The following SV2C variants were observed in gnomAD, a reference collection of about 807,000 sequenced individuals.
The protein encoded by SV2C is synaptic vesicle glycoprotein 2C.
Under a neutral mutation model 79.7 loss-of-function variants are expected in SV2C, and 49 were observed. That is an observed-to-expected ratio of 0.61 (90% CI 0.49 to 0.78). The LOEUF (loss-of-function observed/expected upper bound fraction) is 0.78. Among genes scored for constraint, SV2C ranks in the 30% least tolerant of loss-of-function variants. The pLI is 0.00. For synonymous variants in SV2C, 334 were observed against 333.2 expected (o/e 1.00, Z -0.03); for missense variants, 833 against 912.9 (o/e 0.91, Z 1.13).
intron 4 of SV2C, among the ~76,000 whole-genome samples, chr5:76,251,158 T>C (rs931883245): frequency 3.9e-5 from 6 of 152,132 alleles, no homozygotes; most frequent in African/African-American, 1.4e-4. Flanking sequence ...CTGAGAAACA[T>C]TGTAGGGTTC....
At chr5:76,171,806 GGGGCGCCTCTGCCC>G (rs1743280768) in intron 2 of SV2C, among the ~76,000 whole-genome samples, 1 of 115,692 alleles carries the variant, frequency 8.6e-6, no homozygotes, top group African/African-American at 3.0e-5. Context: ...CGGGAGGTGA[GGGGCGCCTCTGCCC>G]GGCCGCCCCT....
the SV2C span, among the ~76,000 whole-genome samples, chr5:75,871,867 ATTTT>A: frequency 2.3e-5 from 3 of 128,050 alleles, no homozygotes; most frequent in African/African-American, 8.3e-5. Flanking sequence ...ACGTATATAT[ATTTT>A]TATTATTATT....
chr5:75,934,831 G>C, the SV2C span, among the ~76,000 whole-genome samples: 3 of 151,418 alleles, frequency 2.0e-5, no homozygotes, highest in Non-Finnish European at 4.4e-5. Flanking sequence ...AGGAAGAGTA[G>C]TGAGCACATA....
intron 4 of SV2C, chr5:76,242,340 A>T: frequency 3.5e-6 from 5 of 1,425,024 alleles, no homozygotes; most frequent in South Asian, 2.3e-5. Context: ...TGGACGCGGG[A>T]CGCAGCGGCG....
the SV2C span, among the ~76,000 whole-genome samples, chr5:75,998,347 TAA>T: frequency 6.6e-6 from 1 of 151,128 alleles, no homozygotes; most frequent in Non-Finnish European, 1.5e-5. Flanking sequence ...ATGATAATAA[TAA>T]AAAAAAAGTC....
chr5:76,352,893 T>C (rs2112593638), intron 12 of SV2C, among the ~76,000 whole-genome samples: 1 of 152,164 alleles, frequency 6.6e-6, no homozygotes, highest in South Asian at 2.1e-4. Flanking sequence ...ATTTAAACAG[T>C]CTTATAGAAT....
At chr5:76,180,340 A>G (rs529399113) in intron 2 of SV2C, among the ~76,000 whole-genome samples, 67 of 152,342 alleles carry the variant, frequency 4.4e-4, no homozygotes, top group African/African-American at 1.6e-3. Flanking sequence ...GAAGATTAAT[A>G]TATTTCTCAT....
chr5:76,315,217 C>T (rs1748579792), intron 12 of SV2C, among the ~76,000 whole-genome samples: 2 of 151,032 alleles, frequency 1.3e-5, no homozygotes, highest in African/African-American at 4.9e-5. Flanking sequence ...CACACACACA[C>T]ACATAATAGA....
intron 4 of SV2C, among the ~76,000 whole-genome samples, chr5:76,225,209 T>C (rs1343864930): frequency 4.6e-5 from 7 of 152,298 alleles, no homozygotes; most frequent in South Asian, 2.1e-4. Context: ...GTGAAGTAAT[T>C]CCTAGGGATC....
intron 3 of SV2C, among the ~76,000 whole-genome samples, chr5:76,208,138 T>C (rs1466200350): frequency 6.6e-6 from 1 of 152,198 alleles, no homozygotes; most frequent in African/African-American, 2.4e-5. Flanking sequence ...GCCTAAAGTT[T>C]GTGAATTTTA....
At chr5:76,037,006 C>T in the SV2C span, among the ~76,000 whole-genome samples, 7 of 152,320 alleles carry the variant, frequency 4.6e-5, no homozygotes, top group East Asian at 1.4e-3. Context: ...CATCTTCCAT[C>T]ACTGATACCC....
At chr5:76,155,559 T>C (rs1283509935) in intron 2 of SV2C, among the ~76,000 whole-genome samples, 1 of 152,168 alleles carries the variant, frequency 6.6e-6, no homozygotes, top group South Asian at 2.1e-4. Context: ...TCCAGGCAAG[T>C]GCAGCCCAGA....
intron 2 of SV2C, among the ~76,000 whole-genome samples, chr5:76,176,631 A>G (rs1743538426): frequency 6.6e-6 from 1 of 152,116 alleles, no homozygotes; most frequent in African/African-American, 2.4e-5. Flanking sequence ...AGCCAAAAAC[A>G]TCTTTCCTGG....
At chr5:76,112,121 TAGGA>T (rs747736370) in intron 1 of SV2C, among the ~76,000 whole-genome samples, 4 of 152,246 alleles carry the variant, frequency 2.6e-5, no homozygotes, top group Non-Finnish European at 5.9e-5. Context: ...AATAACAAAA[TAGGA>T]AGAGTTCCTT....
chr5:76,335,193 A>T (rs903814023), downstream of SV2C, among the ~76,000 whole-genome samples: 4 of 152,050 alleles, frequency 2.6e-5, no homozygotes, highest in Admixed American at 6.5e-5. Flanking sequence ...TTGTGCATTC[A>T]CACCCCTCTG....
intron 4 of SV2C, among the ~76,000 whole-genome samples, chr5:76,240,024 TCCTTTC>T (rs2112418308): frequency 6.6e-6 from 1 of 152,350 alleles, no homozygotes; most frequent in Non-Finnish European, 1.5e-5. Context: ...TTGTTCCTTT[TCCTTTC>T]TTATGCTTTT....
the SV2C span, among the ~76,000 whole-genome samples, chr5:76,035,939 G>T: frequency 6.6e-6 from 1 of 152,000 alleles, no homozygotes; most frequent in African/African-American, 2.4e-5. Context: ...CCTGTATTGG[G>T]TGCATATATA....
the SV2C span, among the ~76,000 whole-genome samples, chr5:76,056,399 T>C: frequency 1.3e-5 from 2 of 152,150 alleles, no homozygotes; most frequent in Admixed American, 1.3e-4. Flanking sequence ...TTTGTCAGTA[T>C]TTTATTGAGG....
rs1378124509 is a variant in SV2C at position 76,299,355 on chromosome 5, CA to C, written c.1636+429del. On this transcript the variant is annotated intron_variant, in intron 10 of 12. Transcript: ENST00000502798. ...ATATAATGGGGTATTTTAAACTCCC[CA>C]GGGGGAAAAAAAAGGAAGGCAAACA... is the stretch of plus-strand genomic sequence containing the variant. Among the ~76,000 whole-genome samples, 7 of 152,156 alleles carry C rather than the reference CA, an allele frequency of 4.6e-5. No individual in the cohort carries two copies. In the East Asian group the frequency reaches 9.6e-4, roughly 21 times the overall value.
Sources: gnomAD v4.1 joint callset for allele counts (sites outside exome capture counted in the v4.1 genomes callset) on GRCh38, gnomAD v4.1.1 for gene constraint, MANE v1.5 for transcripts, NCBI Gene and HGNC (gene_info 2026-07-23, HGNC 2026-07-21) for gene names.